LMO4: variants seen among roughly 807,000 people sequenced by gnomAD.
LMO4 encodes LIM domain only 4.
Under a neutral mutation model 18.5 loss-of-function variants are expected in LMO4, and 3 were observed. That is an observed-to-expected ratio of 0.16 (90% CI 0.07 to 0.42). The LOEUF (loss-of-function observed/expected upper bound fraction) is 0.42. LMO4 is among the 10% of genes least tolerant of loss of function. The pLI is 0.99. For synonymous variants in LMO4, 100 were observed against 88.1 expected (o/e 1.14, Z -0.76); for missense variants, 121 against 219.9 (o/e 0.55, Z 2.84).
chr1:87,331,095 A>G (rs964599914), intron 1 of LMO4: 1 of 98,164 alleles, frequency 1.0e-5, no homozygotes, highest in Non-Finnish European at 1.9e-5. Context: ...TTGGAGGAAC[A>G]AAGCTTTAGC....
intron 2 of LMO4, among the ~76,000 whole-genome samples, chr1:87,336,092 T>C (rs1234423515): frequency 6.7e-6 from 1 of 149,260 alleles, no homozygotes; most frequent in Non-Finnish European, 1.5e-5. Flanking sequence ...GCTTTTAAGG[T>C]GCCTGGTCTC....
chr1:87,340,223 A>C (rs1177217311), intron 4 of LMO4, 21 bp downstream of exon 4: 1 of 1,612,572 alleles, frequency 6.2e-7, no homozygotes, highest in South Asian at 1.1e-5. Context: ...AGCAATTACT[A>C]ATAAGCTTTA....
At chr1:87,339,355 T>TG (rs1360033552) in intron 2 of LMO4, among the ~76,000 whole-genome samples, 181 bp from the exon 3 acceptor site, 1 of 152,188 alleles carries the variant, frequency 6.6e-6, no homozygotes, top group Admixed American at 6.5e-5. Context: ...AGAAGTTTGT[T>TG]GTCCCACAAA....
intron 1 of LMO4, chr1:87,331,428 C>G (rs189409156): frequency 5.2e-5 from 8 of 152,782 alleles, no homozygotes; most frequent in Admixed American, 4.6e-4. Context: ...CGGTCCCTCC[C>G]TCGTTCCCTT....
At chr1:87,343,868 G>A (rs527786755) in intron 4 of LMO4, among the ~76,000 whole-genome samples, 7 of 152,234 alleles carry the variant, frequency 4.6e-5, no homozygotes, top group African/African-American at 1.7e-4. Flanking sequence ...AGGGTGAAAC[G>A]AGAACTTCCT....
At chr1:87,329,721 C>A (rs1387072630) in intron 1 of LMO4, among the ~76,000 whole-genome samples, 2 of 152,106 alleles carry the variant, frequency 1.3e-5, no homozygotes, top group Non-Finnish European at 2.9e-5. Context: ...TAAAAAAATT[C>A]TTCTTGGCTT....
At chr1:87,344,499 C>T (rs950157154) in intron 4 of LMO4, among the ~76,000 whole-genome samples, 3 of 152,216 alleles carry the variant, frequency 2.0e-5, no homozygotes, top group African/African-American at 7.2e-5. Context: ...TGGAAAGACA[C>T]TTGCTCTTAA....
At chr1:87,343,107 A>T (rs965477503) in intron 4 of LMO4, among the ~76,000 whole-genome samples, 4 of 152,188 alleles carry the variant, frequency 2.6e-5, no homozygotes, top group Non-Finnish European at 4.4e-5. Flanking sequence ...TGAGTTGATT[A>T]TTCGAACATC....
chr1:87,346,026 T>G lies in LMO4; in HGVS notation c.*1230T>G, dbSNP rs565158971. The G allele has an allele frequency of 1.3e-5, 2 of 152,208 alleles. No individual in the cohort carries two copies. Among genetic ancestry groups the G allele is most frequent in the African/African-American group, 4.8e-5 (2 of 41,448 alleles). The allele number at this position is 152,208 out of a possible 1,614,324, so 9.4% of individuals were successfully genotyped here. A position where few individuals can be genotyped will look rare whatever the true frequency, so the allele number is the denominator to read the frequency against. On this transcript the variant is annotated 3_prime_UTR_variant, in exon 5 of 5. Transcript: ENST00000370544. The stretch of plus-strand genomic sequence containing the variant: ...TTTGAAGGAAGTCACAATTTCTAAG[T>G]CATACCTGTACATATTTTGAAGCTC...
chr1:87,331,993 C>G lies in LMO4; in HGVS notation c.-3-20C>G, dbSNP rs1391109272. The G allele has an allele frequency of 6.3e-7, 1 of 1,596,458 alleles. No individual in the cohort carries two copies. ...CCCTGTTTTGTCTTTCTCTCCCTGT[C>G]CCCTTCCCGCCCTCTGCAGACCATG... On this transcript the variant is annotated intron_variant, in intron 1 of 4. Coordinates refer to ENST00000370544, the MANE Select transcript of LMO4 (RefSeq NM_006769.4).
At chr1:87,334,155 G>T (rs187743831) in intron 2 of LMO4, among the ~76,000 whole-genome samples, 27 of 152,248 alleles carry the variant, frequency 1.8e-4, no homozygotes, top group Admixed American at 1.7e-3. Flanking sequence ...TGTGTGCCCA[G>T]CCCTGAGCCT....
chr1:87,348,103 C>T lies in LMO4; in HGVS notation c.*3307C>T, dbSNP rs911572563. The T allele has an allele frequency of 1.3e-5, 2 of 152,186 alleles. No homozygotes were observed. The highest frequency in any genetic ancestry group is 4.8e-5 in the African/African-American group (2 of 41,406). The allele number at this position is 152,186 out of a possible 1,614,324, so 9.4% of individuals were successfully genotyped here. A position where few individuals can be genotyped will look rare whatever the true frequency, so the allele number is the denominator to read the frequency against. Reference sequence around the variant, plus strand: ...GTCAATATAGTAAGATTCTAATGTGCACTACTATTTATATAAAATATTTCT... The same window carrying T: ...GTCAATATAGTAAGATTCTAATGTGTACTACTATTTATATAAAATATTTCT... On this transcript the variant is annotated 3_prime_UTR_variant, in exon 5 of 5. Coordinates refer to ENST00000370544, the MANE Select transcript of LMO4 (RefSeq NM_006769.4).
chr1:87,329,826 C>G (rs1025228857), intron 1 of LMO4, among the ~76,000 whole-genome samples: 7 of 152,068 alleles, frequency 4.6e-5, no homozygotes, highest in African/African-American at 1.7e-4. Flanking sequence ...TACAAATTGC[C>G]AGCGTTACGT....
chr1:87,337,517 C>T (rs10873830), intron 2 of LMO4, among the ~76,000 whole-genome samples: 98,191 of 152,050 alleles, frequency 0.65, 35,694 homozygotes, highest in Non-Finnish European at 0.8. Context: ...TAAAATACTT[C>T]AGGGTTGCTG....
intron 4 of LMO4, among the ~76,000 whole-genome samples, chr1:87,342,442 C>T (rs1001152463): frequency 4.6e-5 from 7 of 152,070 alleles, no homozygotes; most frequent in Admixed American, 6.5e-5. Context: ...TCCAGGATGG[C>T]AGTGGTAGGG....
chr1:87,340,299 T>C, intron 4 of LMO4, 97 bp downstream of exon 4: 1 of 1,116,106 alleles, frequency 9.0e-7, no homozygotes, highest in Non-Finnish European at 1.3e-6. Flanking sequence ...GGTTGTATTT[T>C]TGCATGCCCT....
chr1:87,338,199 A>T (rs910047394), intron 2 of LMO4, among the ~76,000 whole-genome samples: 4 of 152,238 alleles, frequency 2.6e-5, no homozygotes, highest in African/African-American at 4.8e-5. Context: ...CTGCAAGACC[A>T]GATTCTGAAA....
rs1422902796 is a variant in LMO4 at position 87,341,853 on chromosome 1, CT to C, written c.489+1653del. Among the ~76,000 whole-genome samples, 3 of 152,272 alleles carry C rather than the reference CT, an allele frequency of 2.0e-5. No individual in the cohort carries two copies. In the East Asian group the frequency reaches 5.8e-4, roughly 29 times the overall value. ...CAAGGAGTGCCAAGACATATAAATG[CT>C]TAAAGATTTTTGTGATTTGGATTCT... On this transcript the variant is annotated intron_variant, in intron 4 of 4. Coordinates refer to ENST00000370544, the MANE Select transcript of LMO4 (RefSeq NM_006769.4).
intron 2 of LMO4, among the ~76,000 whole-genome samples, chr1:87,335,963 C>A (rs1038016350): frequency 6.6e-6 from 1 of 150,778 alleles, no homozygotes; most frequent in African/African-American, 2.4e-5. Context: ...AGAATTAATT[C>A]AAGGCCTCCA....
Sources: allele counts gnomAD v4.1 joint callset (sites outside exome capture counted in the v4.1 genomes callset), GRCh38; gene constraint gnomAD v4.1.1; transcripts MANE v1.5; gene names NCBI Gene and HGNC (gene_info 2026-07-23, HGNC 2026-07-21).